The following ABCA12 variants were observed in gnomAD, a reference collection of about 807,000 sequenced individuals.
The protein encoded by ABCA12 is ATP binding cassette subfamily A member 12.
Under a neutral mutation model 293.5 loss-of-function variants are expected in ABCA12, and 156 were observed. The ratio of observed to expected loss-of-function variants is 0.53; its 90% CI spans 0.47 to 0.61. The LOEUF (loss-of-function observed/expected upper bound fraction) is 0.61, where lower values mean the gene tolerates loss of function less well. ABCA12 is among the 20% of genes least tolerant of loss of function. The pLI, the probability that ABCA12 is intolerant of heterozygous loss-of-function variation, is 0.00. For missense variants in ABCA12, 2,797 were observed against 3,090.2 expected (o/e 0.91, Z 2.25); for synonymous variants, 1,063 against 1,108.0 (o/e 0.96, Z 0.81).
chr2:215,086,800 C>A (rs1188194975), intron 2 of ABCA12, among the ~76,000 whole-genome samples: 2 of 152,052 alleles, frequency 1.3e-5, no homozygotes, highest in Non-Finnish European at 2.9e-5. Context: ...TGCATGCTTG[C>A]AAATAAATAT....
chr2:215,055,399 T>C (rs1416364642), intron 3 of ABCA12, among the ~76,000 whole-genome samples: 1 of 152,014 alleles, frequency 6.6e-6, no homozygotes, highest in African/African-American at 2.4e-5. Context: ...GTTTAGTTTG[T>C]TATTAAAATG....
intron 15 of ABCA12, chr2:215,013,262 C>CA (rs1700414718): frequency 6.6e-6 from 1 of 152,114 alleles, no homozygotes; most frequent in African/African-American, 2.4e-5. Flanking sequence ...CTTTTCAAAG[C>CA]AAAATCTCAA....
At chr2:214,967,276 T>C (rs1235376625) in intron 38 of ABCA12, among the ~76,000 whole-genome samples, 1 of 152,110 alleles carries the variant, frequency 6.6e-6, no homozygotes, top group African/African-American at 2.4e-5. Context: ...TCCATGGGAT[T>C]CTGAGACTAG....
At chr2:214,967,683 C>G (rs1281437157) in intron 38 of ABCA12, among the ~76,000 whole-genome samples, 1 of 152,088 alleles carries the variant, frequency 6.6e-6, no homozygotes, top group Non-Finnish European at 1.5e-5. Flanking sequence ...TAATTACTTT[C>G]TATATGATTT....
intron 3 of ABCA12, among the ~76,000 whole-genome samples, chr2:215,059,645 G>A (rs988504384): frequency 6.6e-6 from 1 of 151,848 alleles, no homozygotes; most frequent in Non-Finnish European, 1.5e-5. Context: ...AAATTTGTCA[G>A]GCTATTATTA....
chr2:215,111,750 C>T, intron 1 of ABCA12, 60 bp from the exon 2 acceptor site: 1 of 1,235,422 alleles, frequency 8.1e-7, no homozygotes, highest in Non-Finnish European at 1.2e-6. Context: ...ATTTTTAAAA[C>T]CTGACTACAA....
chr2:215,068,241 A>G (rs1337486954), intron 2 of ABCA12, among the ~76,000 whole-genome samples: 1 of 152,206 alleles, frequency 6.6e-6, no homozygotes, highest in Non-Finnish European at 1.5e-5. Context: ...TCTGTGTTTT[A>G]ATAAGCTCTC....
At chr2:215,015,027 G>A (rs906793312) in intron 15 of ABCA12, among the ~76,000 whole-genome samples, 1 of 152,044 alleles carries the variant, frequency 6.6e-6, no homozygotes, top group African/African-American at 2.4e-5. Flanking sequence ...GTATGTAATG[G>A]TAGCCTCTAT....
At chr2:215,061,950 T>C (rs1187294374) in intron 3 of ABCA12, among the ~76,000 whole-genome samples, 2 of 152,078 alleles carry the variant, frequency 1.3e-5, no homozygotes, top group East Asian at 1.9e-4. Flanking sequence ...CTGTTAATTA[T>C]GTCCCTTATA....
intron 23 of ABCA12, among the ~76,000 whole-genome samples, chr2:214,991,603 T>A (rs1377797016): frequency 6.6e-6 from 1 of 152,212 alleles, no homozygotes; most frequent in Non-Finnish European, 1.5e-5. Flanking sequence ...TGCCTTTAGC[T>A]ATAGCCTTCC....
intron 4 of ABCA12, 126 bp downstream of exon 4, chr2:215,054,447 G>A: frequency 1.2e-6 from 1 of 816,908 alleles, no homozygotes. Flanking sequence ...GGAACGTTTA[G>A]ATCTCACAGG....
At chr2:214,990,575 G>T in intron 24 of ABCA12, 127 bp downstream of exon 24, 1 of 937,766 alleles carries the variant, frequency 1.1e-6, no homozygotes, top group Non-Finnish European at 1.7e-6. Context: ...AGGACATTAA[G>T]CTTACTTTGC....
chr2:214,933,487 C>CAGAT (rs1698125783), intron 52 of ABCA12, among the ~76,000 whole-genome samples: 1 of 152,140 alleles, frequency 6.6e-6, no homozygotes, highest in East Asian at 1.9e-4. Context: ...AGTCCAATGA[C>CAGAT]AGATATAATC....
intron 51 of ABCA12, 119 bp from the exon 52 acceptor site, chr2:214,934,334 C>T: frequency 8.9e-7 from 1 of 1,129,570 alleles, no homozygotes; most frequent in Non-Finnish European, 1.3e-6. Flanking sequence ...GAAAATGATG[C>T]TACAGTATAA....
chr2:215,077,808 C>G (rs540396668), intron 2 of ABCA12, among the ~76,000 whole-genome samples: 1 of 152,138 alleles, frequency 6.6e-6, no homozygotes. Context: ...TACATATTTG[C>G]CCATCTCAGC....
intron 50 of ABCA12, among the ~76,000 whole-genome samples, chr2:214,938,875 A>G (rs899219205): frequency 2.6e-5 from 4 of 152,126 alleles, no homozygotes; most frequent in African/African-American, 9.7e-5. Flanking sequence ...TCAGATGGAT[A>G]GATTGCAAAA....
intron 24 of ABCA12, among the ~76,000 whole-genome samples, chr2:214,990,211 T>C (rs953107381): frequency 1.3e-5 from 2 of 152,228 alleles, no homozygotes; most frequent in African/African-American, 4.8e-5. Flanking sequence ...GTAATCTTAA[T>C]GCTTTAATTA....
At chr2:214,994,727 G>A (rs1574970131) in intron 23 of ABCA12, among the ~76,000 whole-genome samples, 1 of 152,104 alleles carries the variant, frequency 6.6e-6, no homozygotes, top group African/African-American at 2.4e-5. Context: ...CTGGTGGGGT[G>A]GATTAATGTA....
At position 214,950,912 on chromosome 2, in the gene ABCA12, T is replaced by C. The variant is rs139505019; in HGVS notation, c.6819A>G (p.Val2273=). The stretch of plus-strand genomic sequence containing the variant: ...CAGGTATCCCAATGCTGATGTTGTT[T>C]ACAGCTATAATCTTTTTGTGGATAA... ...YQLIHKKIIA[V]NNISIGIPAG... is the part of the protein sequence containing the mutation. Residue 2273 remains valine, a synonymous_variant, in exon 45 of 53, where the codon GTA becomes GTG. Transcript: ENST00000272895. 719 of 1,614,170 alleles carry C rather than the reference T, an allele frequency of 4.5e-4. 4 individuals are homozygous for C. In the African/African-American group the frequency reaches 6.7e-3, roughly 15 times the overall value.
Sources: allele counts gnomAD v4.1 joint callset (sites outside exome capture counted in the v4.1 genomes callset), GRCh38; gene constraint gnomAD v4.1.1; transcripts MANE v1.5; gene names NCBI Gene and HGNC (gene_info 2026-07-23, HGNC 2026-07-21).